The following BTBD2 variants were observed in gnomAD, a reference collection of about 807,000 sequenced individuals.
The protein encoded by BTBD2 is BTB/POZ domain-containing protein 2.
BTBD2 carries 15 observed loss-of-function variants against 44.0 expected under a neutral mutation model. The observed-to-expected ratio is 0.34, with a 90% CI of 0.23 to 0.53. The LOEUF (loss-of-function observed/expected upper bound fraction) is 0.53. BTBD2 is among the 20% of genes least tolerant of loss of function. BTBD2 has a pLI of 0.95. For missense variants in BTBD2, 657 were observed against 746.4 expected, an observed-to-expected ratio of 0.88 and a Z score of 1.39; for synonymous variants, 443 against 335.9, an observed-to-expected ratio of 1.32 and a Z score of -3.49.
chr19:1,988,853 C>A (rs2016131997), intron 5 of BTBD2, among the ~76,000 whole-genome samples: 1 of 152,204 alleles, frequency 6.6e-6, no homozygotes, highest in South Asian at 2.1e-4. Flanking sequence ...TTCCCCCCAT[C>A]TTGGGCCTCC....
Position 1,999,932 on chromosome 19 carries a change from T to A in BTBD2, c.408-2469A>T, listed in dbSNP as rs557965801. Among the ~76,000 whole-genome samples the A allele has an allele frequency of 8.3e-5, 12 of 144,292 alleles. No homozygotes were observed. In the East Asian group the frequency reaches 1.6e-3, roughly 19 times the overall value. The allele number at this position is 144,292 out of a possible 152,430, so 94.7% of individuals were successfully genotyped here. The stretch of plus-strand genomic sequence containing the variant: ...AGCCAAGATCACGCCATTGCACTCC[T>A]GCTTGGGTGACAGAGCAAGACTAAA... On this transcript the variant is annotated intron_variant, in intron 1 of 8. Transcript: ENST00000255608.
chr19:2,006,964 TCTC>T (rs1371144951), intron 1 of BTBD2, among the ~76,000 whole-genome samples: 2 of 152,142 alleles, frequency 1.3e-5, no homozygotes, highest in Non-Finnish European at 2.9e-5. Flanking sequence ...TTCAAGCAAT[TCTC>T]CTGCCTCAGC....
intron 2 of BTBD2, among the ~76,000 whole-genome samples, chr19:1,995,258 C>A (rs1043249099): frequency 2.7e-5 from 4 of 146,470 alleles, no homozygotes; most frequent in African/African-American, 1.0e-4. Flanking sequence ...TGAGCCACCG[C>A]GCCTAGCCAT....
At chr19:2,009,788 T>A (rs2016440171) in intron 1 of BTBD2, among the ~76,000 whole-genome samples, 1 of 152,072 alleles carries the variant, frequency 6.6e-6, no homozygotes, top group African/African-American at 2.4e-5. Flanking sequence ...AGCTGAAGGC[T>A]GCAGCATGCG....
At chr19:2,010,395 C>T (rs2016449274) in intron 1 of BTBD2, among the ~76,000 whole-genome samples, 2 of 152,164 alleles carry the variant, frequency 1.3e-5, no homozygotes, top group African/African-American at 4.8e-5. Context: ...CCGCGTGCAA[C>T]CCCTGGCCTC....
intron 1 of BTBD2, among the ~76,000 whole-genome samples, chr19:2,006,339 C>T (rs897103122): frequency 2.0e-5 from 3 of 151,958 alleles, no homozygotes; most frequent in African/African-American, 7.2e-5. Context: ...AACTGTTAAA[C>T]CTAATAAGGC....
In BTBD2 at chr19:2,004,677, CT is replaced by C. The variant is rs1555687684; in HGVS notation, c.408-7215del. ...CATAACAAACCTTCATATATACCCCCTGAGTCGAAAATAAAATCAGGCCAGG... is the reference window on the plus strand; with the variant it reads ...CATAACAAACCTTCATATATACCCCCGAGTCGAAAATAAAATCAGGCCAGG... On this transcript the variant is annotated intron_variant, in intron 1 of 8. Transcript: ENST00000255608. 3.4e-4 allele frequency among the ~76,000 whole-genome samples: 31 copies of C among 92,160 alleles called. No homozygotes were observed. In the South Asian group the frequency reaches 9.3e-3, roughly 28 times the overall value. 60.5% of individuals were successfully genotyped at this position (92,160 alleles called of 152,430 possible).
At chr19:1,995,946 T>C in intron 2 of BTBD2, among the ~76,000 whole-genome samples, 1 of 152,156 alleles carries the variant, frequency 6.6e-6, no homozygotes, top group Non-Finnish European at 1.5e-5. Flanking sequence ...TGAGCCACCG[T>C]GCCCAGCCTG....
At chr19:2,007,859 G>A (rs1308671528) in intron 1 of BTBD2, among the ~76,000 whole-genome samples, 5 of 152,046 alleles carry the variant, frequency 3.3e-5, no homozygotes, top group Admixed American at 2.0e-4. Flanking sequence ...CAGAATATAA[G>A]TTCCATAAGG....
At chr19:1,992,375 C>T (rs2016191386) in intron 3 of BTBD2, among the ~76,000 whole-genome samples, 1 of 151,986 alleles carries the variant, frequency 6.6e-6, no homozygotes, top group South Asian at 2.1e-4. Flanking sequence ...GCTGGGATTA[C>T]AGGCATGAAC....
intron 1 of BTBD2, among the ~76,000 whole-genome samples, chr19:2,005,385 A>G (rs1481494811): frequency 6.6e-6 from 1 of 152,106 alleles, no homozygotes; most frequent in Non-Finnish European, 1.5e-5. Context: ...CTATGATCAC[A>G]GCTCACTGCA....
intron 5 of BTBD2, 94 bp from the exon 6 acceptor site, chr19:1,987,786 G>T: frequency 7.7e-7 from 1 of 1,303,288 alleles, no homozygotes; most frequent in Middle Eastern, 2.5e-4. Flanking sequence ...AGATGTCTGC[G>T]TCGGACTTTC....
intron 1 of BTBD2, among the ~76,000 whole-genome samples, chr19:2,014,820 A>C (rs1372142653): frequency 6.9e-6 from 1 of 144,696 alleles, no homozygotes; most frequent in East Asian, 2.2e-4. Context: ...CCAGGGGTAC[A>C]GGGCCTGGGA....
At chr19:1,998,131 A>G (rs1400237439) in intron 1 of BTBD2, among the ~76,000 whole-genome samples, 1 of 152,140 alleles carries the variant, frequency 6.6e-6, no homozygotes, top group African/African-American at 2.4e-5. Flanking sequence ...ACATGCACTC[A>G]TCCACTTAGT....
At chr19:1,991,372 G>T in intron 3 of BTBD2, 1 of 155,286 alleles carries the variant, frequency 6.4e-6, no homozygotes, top group Admixed American at 6.4e-5. Flanking sequence ...GGAAGGTGCT[G>T]GAAGGGCCTA....
At chr19:1,992,666 G>A (rs2016195243) in intron 3 of BTBD2, among the ~76,000 whole-genome samples, 1 of 151,942 alleles carries the variant, frequency 6.6e-6, no homozygotes, top group African/African-American at 2.4e-5. Flanking sequence ...CCACCTCCCA[G>A]GTTCATGCAA....
intron 1 of BTBD2, among the ~76,000 whole-genome samples, chr19:2,001,059 G>A (rs981742223): frequency 1.1e-4 from 17 of 152,144 alleles, no homozygotes; most frequent in African/African-American, 3.6e-4. Flanking sequence ...TGAGGCGGGC[G>A]GCTCACCTAA....
intron 2 of BTBD2, among the ~76,000 whole-genome samples, chr19:1,994,687 A>G (rs1184654258): frequency 6.6e-6 from 1 of 152,104 alleles, no homozygotes; most frequent in African/African-American, 2.4e-5. Flanking sequence ...TGAACCCGGG[A>G]GGCAGAGGTT....
intron 2 of BTBD2, 65 bp downstream of exon 2, chr19:1,997,279 C>T (rs2016263474): frequency 6.2e-7 from 1 of 1,606,416 alleles, no homozygotes; most frequent in Non-Finnish European, 8.5e-7. Flanking sequence ...CAGACAGGGT[C>T]TACGTTCTCT....
Sources: gnomAD v4.1 joint callset for allele counts (sites outside exome capture counted in the v4.1 genomes callset) on GRCh38, gnomAD v4.1.1 for gene constraint, MANE v1.5 for transcripts, NCBI Gene and HGNC (gene_info 2026-07-23, HGNC 2026-07-21) for gene names.